The following CORO1C variants were observed in gnomAD, a reference collection of about 807,000 sequenced individuals.
The protein encoded by CORO1C is coronin 1C.
Under a neutral mutation model 51.2 loss-of-function variants are expected in CORO1C, and 14 were observed. The observed-to-expected ratio is 0.27, with a 90% CI of 0.18 to 0.43. The LOEUF (loss-of-function observed/expected upper bound fraction) is 0.43, where lower values mean the gene tolerates loss of function less well. Among genes scored for constraint, CORO1C ranks in the 20% least tolerant of loss-of-function variants. The probability of loss-of-function intolerance (pLI) is 1.00; values close to 1 mark genes in which losing one functional copy is unlikely to be tolerated. For synonymous variants in CORO1C, 181 were observed against 210.5 expected (o/e 0.86, Z 1.21); for missense variants, 417 against 607.8 (o/e 0.69, Z 3.30).
intron 3 of CORO1C, among the ~76,000 whole-genome samples, chr12:108,670,745 G>C (rs982840569): frequency 1.7e-4 from 26 of 151,824 alleles, no homozygotes; most frequent in Non-Finnish European, 7.4e-5. Flanking sequence ...ATAAGACACA[G>C]AATAAGATCC....
chr12:108,709,459 T>C (rs1275572297), intron 1 of CORO1C, among the ~76,000 whole-genome samples: 1 of 152,222 alleles, frequency 6.6e-6, no homozygotes, highest in African/African-American at 2.4e-5. Flanking sequence ...TTAATTTCTC[T>C]GCAAACAAAG....
intron 3 of CORO1C, among the ~76,000 whole-genome samples, chr12:108,666,635 T>C (rs1386960354): frequency 6.6e-6 from 1 of 152,160 alleles, no homozygotes; most frequent in Admixed American, 6.5e-5. Flanking sequence ...ACTTGGTACA[T>C]GTTTGGTCCT....
chr12:108,684,684 C>G (rs755322771), intron 2 of CORO1C, among the ~76,000 whole-genome samples: 2 of 152,000 alleles, frequency 1.3e-5, no homozygotes, highest in Non-Finnish European at 2.9e-5. Context: ...CTACCTGTAT[C>G]TGTTATGCTT....
intron 1 of CORO1C, among the ~76,000 whole-genome samples, chr12:108,708,605 G>A (rs1384558823): frequency 2.0e-5 from 3 of 151,992 alleles, no homozygotes; most frequent in Non-Finnish European, 2.9e-5. Context: ...GGGATTACAG[G>A]CGCCTGCCAC....
chr12:108,679,170 TAA>T (rs35452794), intron 2 of CORO1C, among the ~76,000 whole-genome samples: 3 of 106,732 alleles, frequency 2.8e-5, no homozygotes, highest in Non-Finnish European at 5.6e-5. Flanking sequence ...TTTAAAAAGT[TAA>T]AAAAAAAAAA....
chr12:108,678,764 G>A (rs1159731983), intron 2 of CORO1C, among the ~76,000 whole-genome samples: 1 of 144,164 alleles, frequency 6.9e-6, no homozygotes, highest in Non-Finnish European at 1.5e-5. Flanking sequence ...TATTCAAAAT[G>A]TTAATACAAT....
intron 1 of CORO1C, among the ~76,000 whole-genome samples, chr12:108,717,265 C>A (rs1289638267): frequency 6.6e-6 from 1 of 152,234 alleles, no homozygotes; most frequent in African/African-American, 2.4e-5. Context: ...ACTTAGCCCA[C>A]AGAGGCTGGA....
chr12:108,678,972 G>T (rs149226774), intron 2 of CORO1C, among the ~76,000 whole-genome samples: 1 of 151,096 alleles, frequency 6.6e-6, no homozygotes, highest in African/African-American at 2.4e-5. Context: ...TTAGCTGGTC[G>T]TGGTGGTGTG....
In CORO1C at chr12:108,729,920, A is replaced by G. The variant is rs537529999; in HGVS notation, c.-6+1509T>C. Reference sequence around the variant, plus strand: ...TGGTGTCAGGAGAACGTTCTGCCAGATAAGGACAATGAGATGCATTATTAT... The same window carrying G: ...TGGTGTCAGGAGAACGTTCTGCCAGGTAAGGACAATGAGATGCATTATTAT... On this transcript the variant is annotated intron_variant, in intron 1 of 10. Transcript: ENST00000261401. Among the ~76,000 whole-genome samples, 16 of 152,338 alleles carry G rather than the reference A, an allele frequency of 1.1e-4. No homozygotes were observed. In the East Asian group the frequency reaches 2.7e-3, roughly 26 times the overall value.
chr12:108,704,265 C>T (rs1285732868), intron 1 of CORO1C, among the ~76,000 whole-genome samples: 1 of 151,988 alleles, frequency 6.6e-6, no homozygotes, highest in South Asian at 2.1e-4. Context: ...CGAGGTCAGG[C>T]GATCAAGATC....
At chr12:108,672,248 T>C (rs1478841215) in intron 3 of CORO1C, among the ~76,000 whole-genome samples, 2 of 152,224 alleles carry the variant, frequency 1.3e-5, no homozygotes, top group Non-Finnish European at 2.9e-5. Context: ...AGTACTTCAA[T>C]GTAGTTACTC....
At chr12:108,697,749 T>C (rs2034734192) in intron 2 of CORO1C, among the ~76,000 whole-genome samples, 1 of 152,192 alleles carries the variant, frequency 6.6e-6, no homozygotes, top group Admixed American at 6.5e-5. Flanking sequence ...GCCAGGATGC[T>C]TTCTTAGACA....
chr12:108,692,933 G>A (rs932355992), intron 2 of CORO1C, among the ~76,000 whole-genome samples: 20 of 151,642 alleles, frequency 1.3e-4, no homozygotes, highest in African/African-American at 4.6e-4. Flanking sequence ...GATTAGCTGC[G>A]ATAACAGGCG....
chr12:108,701,016 G>A (rs1008728758), intron 2 of CORO1C, 108 bp downstream of exon 2: 9 of 1,235,456 alleles, frequency 7.3e-6, no homozygotes, highest in African/African-American at 1.5e-5. Flanking sequence ...TTACATCAGA[G>A]TCTAATGGTT....
chr12:108,690,080 G>A lies in CORO1C; in HGVS notation c.195+11044C>T, dbSNP rs555584597. Among the ~76,000 whole-genome samples, 6 of 152,228 alleles carry A rather than the reference G, an allele frequency of 3.9e-5. No homozygotes were observed. The East Asian group carries it at 7.7e-4, about 20-fold the overall frequency. On this transcript the variant is annotated intron_variant, in intron 2 of 10. Coordinates refer to ENST00000261401, the MANE Select transcript of CORO1C (RefSeq NM_014325.4). The stretch of plus-strand genomic sequence containing the variant: ...ATTTCTTAAGCCCCTGCTGCTCCAC[G>A]GGGAGGAGCTAGAGTGATTGTGGTC...
rs757883118 is a variant in CORO1C, at chr12:108,648,733, C to A, written c.1177G>T (p.Gly393Trp). Reference sequence around the variant, plus strand: ...TCCCTGTTTTTGCCTGGAATGTACCCGTGCTTCAAGGAGATGAGGATTGGG... The same window carrying A: ...TCCCTGTTTTTGCCTGGAATGTACCAGTGCTTCAAGGAGATGAGGATTGGG... Reference protein sequence around the residue: ...ADPILISLKHGYIPGKNRDLK... With the variant: ...ADPILISLKHWYIPGKNRDLK... The change falls in exon 10 of 11, where the codon GGG becomes TGG. Residue 393 changes from glycine (G) to tryptophan (W), a missense_variant. Physicochemically the swap from Gly to Trp is radical, Grantham distance 184. Coordinates refer to ENST00000261401, the MANE Select transcript of CORO1C (RefSeq NM_014325.4). 6 of 1,614,168 alleles carry A rather than the reference C, an allele frequency of 3.7e-6. No homozygotes were observed. The highest frequency in any genetic ancestry group is 1.1e-5 in the South Asian group (1 of 91,084).
chr12:108,716,124 T>G (rs1181544311), intron 1 of CORO1C, among the ~76,000 whole-genome samples: 1 of 71,964 alleles, frequency 1.4e-5, no homozygotes, highest in Non-Finnish European at 2.5e-5. Context: ...CGAGACTCTG[T>G]CGCAAAAAAA....
chr12:108,711,772 T>C (rs1034498316), intron 1 of CORO1C, among the ~76,000 whole-genome samples: 1 of 152,060 alleles, frequency 6.6e-6, no homozygotes, highest in African/African-American at 2.4e-5. Context: ...GTATTTATAT[T>C]GCAACAGCAC....
intron 10 of CORO1C, 101 bp from the exon 11 acceptor site, chr12:108,647,623 A>C: frequency 1.2e-6 from 1 of 807,068 alleles, no homozygotes; most frequent in East Asian, 2.7e-5. Flanking sequence ...CTATTTTGCA[A>C]ACGGCAAGCC....
Sources: allele counts gnomAD v4.1 joint callset (sites outside exome capture counted in the v4.1 genomes callset), GRCh38; gene constraint gnomAD v4.1.1; transcripts MANE v1.5; gene names NCBI Gene and HGNC (gene_info 2026-07-23, HGNC 2026-07-21).